The following CNOT4 variants were observed in gnomAD, a reference collection of about 807,000 sequenced individuals.
CNOT4 encodes the protein CCR4-associated factor 4.
Under a neutral mutation model 73.8 loss-of-function variants are expected in CNOT4, and 8 were observed. That is an observed-to-expected ratio of 0.11 (90% CI 0.06 to 0.20). The LOEUF (loss-of-function observed/expected upper bound fraction) is 0.20. Ranked by LOEUF, CNOT4 falls within the 10% of genes least tolerant of loss-of-function variation. The pLI, the probability that CNOT4 is intolerant of heterozygous loss-of-function variation, is 1.00. For missense variants in CNOT4, 564 were observed against 883.4 expected (o/e 0.64, Z 4.58); for synonymous variants, 293 against 321.1 (o/e 0.91, Z 0.94).
chr7:135,387,591 T>C (rs1796187147), intron 10 of CNOT4: 2 of 976,626 alleles, frequency 2.0e-6, no homozygotes, highest in Non-Finnish European at 2.4e-6. Flanking sequence ...CCTTTTATCA[T>C]AATGGTTAAA....
chr7:135,415,117 C>T (rs1490979861), intron 4 of CNOT4, 59 bp downstream of exon 4: 14 of 963,568 alleles, frequency 1.5e-5, no homozygotes, highest in South Asian at 2.8e-5. Context: ...TCCTTTGGAA[C>T]AGCCCAGGTC....
intron 10 of CNOT4, among the ~76,000 whole-genome samples, chr7:135,365,055 T>A (rs541350392): frequency 5.9e-5 from 9 of 152,350 alleles, no homozygotes; most frequent in Non-Finnish European, 1.0e-4. Context: ...ACAGAACTGA[T>A]TGGCAATCAA....
chr7:135,446,501 T>C (rs1217663280), intron 1 of CNOT4, among the ~76,000 whole-genome samples: 1 of 152,230 alleles, frequency 6.6e-6, no homozygotes, highest in Non-Finnish European at 1.5e-5. Flanking sequence ...AACAGTACTT[T>C]TATAAAATTT....
chr7:135,383,498 T>G (rs1795954026), intron 10 of CNOT4, among the ~76,000 whole-genome samples: 1 of 152,206 alleles, frequency 6.6e-6, no homozygotes, highest in Non-Finnish European at 1.5e-5. Context: ...TTGATCATTT[T>G]CAACTCACCG....
rs989531919 is a variant in CNOT4 at position 135,377,465 on chromosome 7, A to G, written c.1628-13399T>C. ...CTCAATTTTGCTGTGAACCTAAAAT[A>G]GCTCTAAAAATTAAAGTCTATGTTT... On this transcript the variant is annotated intron_variant, in intron 10 of 11. Coordinates refer to ENST00000541284, the MANE Select transcript of CNOT4 (RefSeq NM_001190850.2). Among the ~76,000 whole-genome samples, 3 of 152,242 alleles carry G rather than the reference A, an allele frequency of 2.0e-5. No individual in the cohort carries two copies. In the South Asian group the frequency reaches 6.2e-4, roughly 32 times the overall value.
At chr7:135,437,111 C>T (rs1052798058) in intron 2 of CNOT4, among the ~76,000 whole-genome samples, 1 of 152,148 alleles carries the variant, frequency 6.6e-6, no homozygotes, top group Non-Finnish European at 1.5e-5. Context: ...AATTGTGTCG[C>T]TGGTGCTTAT....
chr7:135,461,578 T>C (rs1421190611), intron 1 of CNOT4, among the ~76,000 whole-genome samples: 1 of 152,120 alleles, frequency 6.6e-6, no homozygotes, highest in African/African-American at 2.4e-5. Context: ...ACGCCTGTAA[T>C]CCAAACACTT....
At chr7:135,458,474 T>C (rs974484498) in intron 1 of CNOT4, among the ~76,000 whole-genome samples, 2 of 151,982 alleles carry the variant, frequency 1.3e-5, no homozygotes, top group African/African-American at 2.4e-5. Flanking sequence ...GCCACAGCCA[T>C]TGACTCTCTC....
rs553469473 is a variant in CNOT4 at position 135,483,592 on chromosome 7, G to C, written c.-93+26297C>G. 1.4e-4 allele frequency among the ~76,000 whole-genome samples: 22 copies of C among 152,112 alleles called. No individual in the cohort carries two copies. The South Asian group carries it at 4.2e-3, about 29-fold the overall frequency. On this transcript the variant is annotated intron_variant, in intron 1 of 11. Coordinates refer to ENST00000541284, the MANE Select transcript of CNOT4 (RefSeq NM_001190850.2). ...GTAATCCCAGCACTTTGGGAGAGCA[G>C]GGAGGGCAGATTGCTTCAGCCGAGA...
At chr7:135,418,470 A>T (rs1306728739) in intron 3 of CNOT4, among the ~76,000 whole-genome samples, 1 of 152,228 alleles carries the variant, frequency 6.6e-6, no homozygotes, top group African/African-American at 2.4e-5. Flanking sequence ...CTTGCTATAT[A>T]TTCCTTGGGA....
At chr7:135,370,151 C>G (rs1795116723) in intron 10 of CNOT4, among the ~76,000 whole-genome samples, 1 of 152,154 alleles carries the variant, frequency 6.6e-6, no homozygotes, top group Non-Finnish European at 1.5e-5. Context: ...CACCAATACT[C>G]CACTAGGTCA....
intron 10 of CNOT4, among the ~76,000 whole-genome samples, chr7:135,392,676 C>G (rs923236196): frequency 6.6e-6 from 1 of 152,128 alleles, no homozygotes; most frequent in Non-Finnish European, 1.5e-5. Context: ...AGTCCCAACA[C>G]TGTGCAAATA....
intron 2 of CNOT4, 86 bp from the exon 3 acceptor site, chr7:135,422,439 A>G (rs1046007342): frequency 1.4e-6 from 1 of 712,964 alleles, no homozygotes; most frequent in Admixed American, 2.2e-5. Context: ...GGTGGTGGGT[A>G]TGTGGTTATC....
chr7:135,419,735 G>A (rs979949440), intron 3 of CNOT4, among the ~76,000 whole-genome samples: 8 of 151,926 alleles, frequency 5.3e-5, no homozygotes, highest in Admixed American at 2.0e-4. Context: ...TACTTGAAAC[G>A]GAAATAAGAA....
chr7:135,506,028 T>C (rs982436286), intron 1 of CNOT4, among the ~76,000 whole-genome samples: 2 of 152,352 alleles, frequency 1.3e-5, no homozygotes, highest in South Asian at 4.1e-4. Context: ...TAAATTATGC[T>C]AGCTTTTAAA....
intron 6 of CNOT4, among the ~76,000 whole-genome samples, chr7:135,413,235 T>C (rs752444011): frequency 3.3e-5 from 5 of 151,988 alleles, no homozygotes; most frequent in Non-Finnish European, 7.4e-5. Flanking sequence ...CTCTGAAAAG[T>C]CTTAAAGCAA....
At chr7:135,384,656 A>G in intron 10 of CNOT4, 1 of 765,086 alleles carries the variant, frequency 1.3e-6, no homozygotes, top group Non-Finnish European at 2.4e-6. Flanking sequence ...AACGACATCT[A>G]TTATCCTACT....
intron 1 of CNOT4, among the ~76,000 whole-genome samples, chr7:135,488,079 A>T (rs367581927): frequency 1.3e-5 from 2 of 152,300 alleles, no homozygotes; most frequent in African/African-American, 4.8e-5. Context: ...AAAGAAGAAA[A>T]AAAAGAAAAA....
chr7:135,463,336 G>A (rs1284421840), intron 1 of CNOT4, among the ~76,000 whole-genome samples: 2 of 152,216 alleles, frequency 1.3e-5, no homozygotes, highest in South Asian at 2.1e-4. Context: ...TCAGGAGTTC[G>A]AGACCAGTCT....
Sources: gnomAD v4.1 joint callset for allele counts (sites outside exome capture counted in the v4.1 genomes callset) on GRCh38, gnomAD v4.1.1 for gene constraint, MANE v1.5 for transcripts, NCBI Gene and HGNC (gene_info 2026-07-23, HGNC 2026-07-21) for gene names.